Variants in KDM3A observed in about 807,000 individuals in gnomAD.
KDM3A encodes lysine-specific demethylase 3A.
A neutral mutation model predicts 158.0 loss-of-function variants in KDM3A; 60 were observed. That is an observed-to-expected ratio of 0.38 (90% CI 0.31 to 0.47). KDM3A has a LOEUF of 0.47. Among genes scored for constraint, KDM3A ranks in the 20% least tolerant of loss-of-function variants. The pLI is 0.99. For missense variants in KDM3A, 1,319 were observed against 1,574.3 expected, an observed-to-expected ratio of 0.84 and a Z score of 2.74; for synonymous variants, 608 against 549.3, an observed-to-expected ratio of 1.11 and a Z score of -1.49.
chr2:86,437,635 CAT>C (rs1229534933), upstream of KDM3A, among the ~76,000 whole-genome samples: 1 of 152,114 alleles, frequency 6.6e-6, no homozygotes, highest in East Asian at 1.9e-4. Flanking sequence ...GGAGAAATGA[CAT>C]ATTTATCAGA....
At chr2:86,468,804 G>A (rs1036192061) in intron 10 of KDM3A, among the ~76,000 whole-genome samples, 13 of 152,162 alleles carry the variant, frequency 8.5e-5, no homozygotes, top group Admixed American at 7.9e-4. Flanking sequence ...TCGGAAGTGG[G>A]CGTTGCATTT....
Position 86,469,794 on chromosome 2 carries a change from T to C in KDM3A, c.1520-410T>C, listed in dbSNP as rs115389950. Among the ~76,000 whole-genome samples the C allele has an allele frequency of 3.2e-4, 48 of 152,328 alleles. No homozygotes were observed. The South Asian group carries it at 9.3e-3, about 30-fold the overall frequency. The stretch of plus-strand genomic sequence containing the variant: ...AAAAACACACCTTAAACCAGTCTTT[T>C]TTGAATTTGGAAAGTGACAGAATGG... On this transcript the variant is annotated intron_variant, in intron 10 of 25. Coordinates refer to ENST00000312912, the MANE Select transcript of KDM3A (RefSeq NM_018433.6).
chr2:86,487,155 G>A (rs1331821756), intron 21 of KDM3A: 2 of 152,146 alleles, frequency 1.3e-5, no homozygotes, highest in Non-Finnish European at 2.9e-5. Flanking sequence ...TAGAAATCCT[G>A]AAGCTTTAAA....
chr2:86,487,758 T>C (rs1309331281), intron 21 of KDM3A: 1 of 152,276 alleles, frequency 6.6e-6, no homozygotes, highest in Non-Finnish European at 1.5e-5. Flanking sequence ...TCCTTTCCCT[T>C]TGACCATTAT....
At position 86,442,037 on chromosome 2, in the gene KDM3A, G is replaced by T; in HGVS notation, c.-11G>T. 6.2e-7 allele frequency: 1 copy of T among 1,613,742 alleles called. No individual in the cohort carries two copies. Among genetic ancestry groups the T allele is most frequent in the Non-Finnish European group, 8.5e-7 (1 of 1,179,882 alleles). ...TTGCAGGGAGGAGCTCTTCCTGCAG[G>T]CGTGGAAACCATGGTGCTCACGCTC... On this transcript the variant is annotated 5_prime_UTR_variant, in exon 2 of 26. Coordinates refer to ENST00000312912, the MANE Select transcript of KDM3A (RefSeq NM_018433.6).
chr2:86,443,092 A>C (rs1333658894), intron 2 of KDM3A: 1 of 152,210 alleles, frequency 6.6e-6, no homozygotes, highest in Non-Finnish European at 1.5e-5. Flanking sequence ...TGTACCAACA[A>C]AGACTCCTTT....
Position 86,482,371 on chromosome 2 carries a change from T to TCC in KDM3A, c.2686-87_2686-86insCC, listed in dbSNP as rs1311860672. ...GGGTCCTGGCTTGGAATCTTCTGGA[T>TCC]ATGTAATCTATACTCATTATGGGAA... On this transcript the variant is annotated intron_variant, in intron 17 of 25. Coordinates refer to ENST00000312912, the MANE Select transcript of KDM3A (RefSeq NM_018433.6). The TCC allele has an allele frequency of 1.9e-6, 3 of 1,547,526 alleles. No homozygotes were observed. The African/African-American group carries it at 4.2e-5, about 21-fold the overall frequency.
chr2:86,453,059 A>T (rs552627676), intron 4 of KDM3A, among the ~76,000 whole-genome samples: 14 of 152,222 alleles, frequency 9.2e-5, no homozygotes, highest in African/African-American at 3.4e-4. Context: ...CTGTTTTCTG[A>T]ATTTACATCT....
chr2:86,464,353 A>G, intron 9 of KDM3A, 137 bp downstream of exon 9: 1 of 579,070 alleles, frequency 1.7e-6, no homozygotes. Context: ...GATGCTTTTG[A>G]AGGTGAAAAG....
chr2:86,452,927 A>G (rs1053908859), intron 4 of KDM3A, among the ~76,000 whole-genome samples: 9 of 152,212 alleles, frequency 5.9e-5, no homozygotes, highest in Admixed American at 5.9e-4. Context: ...TGTTATACCC[A>G]TCTTGATATT....
Position 86,492,110 on chromosome 2 carries a change from C to T in KDM3A, c.3957C>T (p.Gly1319=). ...TGAAAGCCAGTGAATCCAGTTTTGG[C>T]AAACCTTAATCTCCCTGCACATTGG... ...AMLKASESSF[G]KP The change falls in exon 26 of 26, where the codon GGC becomes GGT. Residue 1319 remains glycine, a synonymous_variant. Transcript: ENST00000312912. 1 of 1,611,242 alleles carries T rather than the reference C, an allele frequency of 6.2e-7. No individual in the cohort carries two copies. The highest frequency in any genetic ancestry group is 1.3e-5 in the African/African-American group (1 of 74,942).
chr2:86,475,148 C>G (rs1176788507), intron 12 of KDM3A, among the ~76,000 whole-genome samples, 158 bp downstream of exon 12: 1 of 151,880 alleles, frequency 6.6e-6, no homozygotes, highest in Non-Finnish European at 1.5e-5. Context: ...CAGGTTTGAT[C>G]AGAGTTAGCC....
chr2:86,482,787 C>T (rs909122856), intron 18 of KDM3A, 93 bp downstream of exon 18: 3 of 1,063,948 alleles, frequency 2.8e-6, no homozygotes, highest in South Asian at 1.4e-5. Context: ...GGCTTTCCCC[C>T]TCCTTCACCT....
At chr2:86,440,285 C>T (rs906818676), upstream of KDM3A, among the ~76,000 whole-genome samples, 1 of 152,158 alleles carries the variant, frequency 6.6e-6, no homozygotes, top group African/African-American at 2.4e-5. Context: ...TTATATGTTT[C>T]CAAACATTCT....
rs541136591 is a variant in KDM3A at position 86,491,655 on chromosome 2, C to T, written c.3885+380C>T. 4.0e-5 allele frequency: 12 copies of T among 300,890 alleles called. No individual in the cohort carries two copies. The South Asian group carries it at 6.2e-4, about 16-fold the overall frequency. 18.6% of individuals were successfully genotyped at this position (300,890 alleles called of 1,614,324 possible). On this transcript the variant is annotated intron_variant, in intron 25 of 25. Transcript: ENST00000312912. Reference sequence around the variant, plus strand: ...GTAGAGCAGAACTGAATCTCTGAGACTCAAAGAGGTCTGAGGGGGTGGTAT... The same window carrying T: ...GTAGAGCAGAACTGAATCTCTGAGATTCAAAGAGGTCTGAGGGGGTGGTAT...
In KDM3A at chr2:86,471,381, ATG is replaced by A. The variant is rs1360549286; in HGVS notation, c.1724+979_1724+980del. Among the ~76,000 whole-genome samples the A allele has an allele frequency of 4.0e-5, 6 of 150,838 alleles. No individual in the cohort carries two copies. The East Asian group carries it at 1.2e-3, about 29-fold the overall frequency. ...TGTATATGTGTATATATGTATATAT[ATG>A]TGTGTATATATATATATTTTCAAAA... On this transcript the variant is annotated intron_variant, in intron 11 of 25. Transcript: ENST00000312912.
chr2:86,485,482 T>G (rs990769214), intron 20 of KDM3A, among the ~76,000 whole-genome samples: 1 of 152,218 alleles, frequency 6.6e-6, no homozygotes, highest in African/African-American at 2.4e-5. Context: ...ACTTTTTGTC[T>G]AGAATTTATT....
At chr2:86,468,282 G>T (rs1304433313) in intron 10 of KDM3A, among the ~76,000 whole-genome samples, 3 of 152,178 alleles carry the variant, frequency 2.0e-5, no homozygotes, top group Non-Finnish European at 4.4e-5. Flanking sequence ...AAAATTAATT[G>T]CATAAGATTA....
chr2:86,445,164 A>G (rs1172690104), intron 2 of KDM3A, among the ~76,000 whole-genome samples: 1 of 152,210 alleles, frequency 6.6e-6, no homozygotes, highest in African/African-American at 2.4e-5. Flanking sequence ...GCTAGCCTCT[A>G]TATCCCTAGC....
Sources: allele counts gnomAD v4.1 joint callset (sites outside exome capture counted in the v4.1 genomes callset), GRCh38; gene constraint gnomAD v4.1.1; transcripts MANE v1.5; gene names NCBI Gene and HGNC (gene_info 2026-07-23, HGNC 2026-07-21).